MTMR10: variants seen among roughly 807,000 people sequenced by gnomAD.
The protein encoded by MTMR10 is myotubularin related protein 10, also known as myotubularin-related protein 10.
In MTMR10, 56 loss-of-function variants were observed where a neutral mutation model predicts 88.1. The ratio of observed to expected loss-of-function variants is 0.64; its 90% CI spans 0.51 to 0.79. MTMR10 has a LOEUF of 0.79. Ranked by LOEUF, MTMR10 falls within the 30% of genes least tolerant of loss-of-function variation. MTMR10 has a pLI of 0.00. For missense variants in MTMR10, 883 were observed against 924.7 expected (o/e 0.95, Z 0.58); for synonymous variants, 380 against 340.9 (o/e 1.11, Z -1.26).
intron 12 of MTMR10, among the ~76,000 whole-genome samples, chr15:30,951,273 CTTCCTTA>C (rs1406378652): frequency 6.6e-6 from 1 of 152,130 alleles, no homozygotes; most frequent in Admixed American, 6.5e-5. Context: ...TCTCAAACTG[CTTCCTTA>C]GAGTCATAAT....
intron 14 of MTMR10, chr15:30,943,402 C>T (rs753556384): frequency 2.8e-4 from 274 of 984,466 alleles, no homozygotes; most frequent in Non-Finnish European, 3.2e-4. Context: ...GAATTTATTT[C>T]TATAATTACA....
intron 2 of MTMR10, among the ~76,000 whole-genome samples, chr15:30,986,252 A>G (rs1387081806): frequency 6.6e-6 from 1 of 151,986 alleles, no homozygotes; most frequent in African/African-American, 2.4e-5. Context: ...AGGAGGTTGA[A>G]GCTGCAGTAA....
intron 13 of MTMR10, among the ~76,000 whole-genome samples, 173 bp from the exon 14 acceptor site, chr15:30,947,473 T>G (rs1487977692): frequency 2.0e-5 from 3 of 152,206 alleles, no homozygotes; most frequent in Non-Finnish European, 4.4e-5. Context: ...AGAAGTAACA[T>G]TCAACCGTGA....
chr15:30,920,552 G>A, the MTMR10 span: 19 of 1,607,242 alleles, frequency 1.2e-5, no homozygotes, highest in South Asian at 1.1e-4. Flanking sequence ...TAGATGCCAC[G>A]AAGATTTACC....
At chr15:30,965,812 G>C (rs1430423866) in intron 6 of MTMR10, 1 of 300,764 alleles carries the variant, frequency 3.3e-6, no homozygotes, top group Non-Finnish European at 6.7e-6. Context: ...CATTTTCTCA[G>C]ATAACTGCAG....
intron 14 of MTMR10, 180 bp from the exon 15 acceptor site, chr15:30,943,252 C>A (rs2063111612): frequency 1.5e-6 from 2 of 1,356,396 alleles, no homozygotes; most frequent in African/African-American, 1.5e-5. Flanking sequence ...CTCAGAGGGC[C>A]CCACAGTCCC....
the MTMR10 span, among the ~76,000 whole-genome samples, chr15:30,918,872 AC>A: frequency 5.0e-4 from 76 of 152,188 alleles, 1 homozygote; most frequent in Non-Finnish European, 1.3e-4. Flanking sequence ...TATACAGTTG[AC>A]CCTTGAATGA....
chr15:30,979,747 G>A (rs2030428040), intron 2 of MTMR10, among the ~76,000 whole-genome samples: 1 of 152,182 alleles, frequency 6.6e-6, no homozygotes, highest in South Asian at 2.1e-4. Flanking sequence ...CTAGAAGCCA[G>A]ATTCTTTTAC....
the MTMR10 span, among the ~76,000 whole-genome samples, chr15:30,925,524 C>G: frequency 2.6e-5 from 4 of 152,180 alleles, no homozygotes; most frequent in African/African-American, 9.7e-5. Context: ...TGACAGATCT[C>G]CTGAATGGGG....
the MTMR10 span, among the ~76,000 whole-genome samples, chr15:30,932,301 G>T: frequency 6.6e-6 from 1 of 151,416 alleles, no homozygotes; most frequent in Non-Finnish European, 1.5e-5. Flanking sequence ...GAGAGGAATT[G>T]GTATCTTAAC....
downstream of MTMR10, among the ~76,000 whole-genome samples, chr15:30,938,512 G>C (rs955382895): frequency 1.3e-5 from 2 of 152,136 alleles, no homozygotes; most frequent in African/African-American, 4.8e-5. Context: ...TAACTAGATA[G>C]GGGTATTTTC....
chr15:30,978,232 A>G (rs1482059654), intron 2 of MTMR10, among the ~76,000 whole-genome samples: 1 of 152,182 alleles, frequency 6.6e-6, no homozygotes, highest in Non-Finnish European at 1.5e-5. Flanking sequence ...TGATAGCTAC[A>G]ATTATATTTA....
At chr15:30,976,653 A>G (rs1458377500) in intron 3 of MTMR10, among the ~76,000 whole-genome samples, 166 bp downstream of exon 3, 2 of 152,244 alleles carry the variant, frequency 1.3e-5, no homozygotes, top group Non-Finnish European at 2.9e-5. Context: ...AGCAAGTTCC[A>G]ACATTCTTCT....
intron 6 of MTMR10, among the ~76,000 whole-genome samples, chr15:30,963,024 G>A (rs2063423604): frequency 6.6e-6 from 1 of 152,186 alleles, no homozygotes; most frequent in Non-Finnish European, 1.5e-5. Flanking sequence ...ACAGGTGGTG[G>A]AAGAGAGGCG....
At chr15:30,933,596 G>C in the MTMR10 span, among the ~76,000 whole-genome samples, 58 of 152,310 alleles carry the variant, frequency 3.8e-4, no homozygotes, top group African/African-American at 1.3e-3. Context: ...TGTGTGTTTA[G>C]CATTTGTTGT....
intron 5 of MTMR10, among the ~76,000 whole-genome samples, chr15:30,971,588 T>C (rs2063538642): frequency 1.3e-5 from 2 of 152,212 alleles, no homozygotes; most frequent in African/African-American, 4.8e-5. Context: ...GAAGAAGTGA[T>C]TCACAACCCA....
chr15:30,947,022 G>A, intron 14 of MTMR10, 108 bp downstream of exon 14: 1 of 1,356,858 alleles, frequency 7.4e-7, no homozygotes, highest in South Asian at 1.6e-5. Context: ...ATGGCAGTAA[G>A]AATTTTAAAT....
intron 5 of MTMR10, among the ~76,000 whole-genome samples, chr15:30,971,470 A>G (rs903770037): frequency 1.3e-5 from 2 of 152,170 alleles, no homozygotes; most frequent in African/African-American, 2.4e-5. Context: ...CTGTGGCCTG[A>G]AAGCCACCAA....
chr15:30,922,157 A>G, the MTMR10 span: 3 of 1,532,294 alleles, frequency 2.0e-6, no homozygotes, highest in Admixed American at 2.1e-5. Context: ...GGCTTTACCA[A>G]TCCTATGGGC....
Sources: gnomAD v4.1 joint callset for allele counts (sites outside exome capture counted in the v4.1 genomes callset) on GRCh38, gnomAD v4.1.1 for gene constraint, MANE v1.5 for transcripts, NCBI Gene and HGNC (gene_info 2026-07-23, HGNC 2026-07-21) for gene names.